Variants in HSD17B12 observed in about 807,000 individuals in gnomAD.
The protein encoded by HSD17B12 is hydroxysteroid 17-beta dehydrogenase 12, also known as very-long-chain 3-oxoacyl-CoA reductase.
HSD17B12 carries 32 observed loss-of-function variants against 39.3 expected under a neutral mutation model. The observed-to-expected ratio is 0.81, with a 90% CI of 0.61 to 1.09. The LOEUF (loss-of-function observed/expected upper bound fraction) is 1.09, where lower values mean the gene tolerates loss of function less well. HSD17B12 is among the 50% of genes least tolerant of loss of function. The pLI is 0.00. For missense variants in HSD17B12, 342 were observed against 382.9 expected (o/e 0.89, Z 0.89); for synonymous variants, 150 against 146.7 (o/e 1.02, Z -0.16).
chr11:43,653,420 C>CT, the HSD17B12 span, among the ~76,000 whole-genome samples: 3 of 152,030 alleles, frequency 2.0e-5, no homozygotes, highest in Admixed American at 1.3e-4. Flanking sequence ...TATTATTATA[C>CT]TTTAAGTTTT....
intron 3 of HSD17B12, among the ~76,000 whole-genome samples, chr11:43,768,768 T>G (rs1385063510): frequency 6.6e-6 from 1 of 152,212 alleles, no homozygotes; most frequent in Non-Finnish European, 1.5e-5. Context: ...CAGAGCGGGT[T>G]GCCGTGGCTG....
At chr11:43,666,951 C>T in the HSD17B12 span, among the ~76,000 whole-genome samples, 7 of 152,190 alleles carry the variant, frequency 4.6e-5, no homozygotes, top group Non-Finnish European at 1.0e-4. Flanking sequence ...TTACTTTTTA[C>T]TGCTTTTAAT....
intron 1 of HSD17B12, among the ~76,000 whole-genome samples, chr11:43,698,891 C>G (rs553593845): frequency 6.6e-6 from 1 of 152,290 alleles, no homozygotes; most frequent in African/African-American, 2.4e-5. Context: ...ACCTGAGTCT[C>G]TTGATGTGAT....
chr11:43,638,886 C>T, the HSD17B12 span, among the ~76,000 whole-genome samples: 15 of 152,170 alleles, frequency 9.9e-5, no homozygotes, highest in East Asian at 1.2e-3. Context: ...GACAGTTTCC[C>T]GAGACAGGGT....
At chr11:43,656,885 G>T in the HSD17B12 span, among the ~76,000 whole-genome samples, 1 of 152,170 alleles carries the variant, frequency 6.6e-6, no homozygotes, top group Non-Finnish European at 1.5e-5. Flanking sequence ...CTGTTGATTT[G>T]GGATGGAGAG....
the HSD17B12 span, among the ~76,000 whole-genome samples, chr11:43,651,362 CAAAGT>C: frequency 6.6e-6 from 1 of 152,120 alleles, no homozygotes; most frequent in Non-Finnish European, 1.5e-5. Flanking sequence ...TTATAATTCT[CAAAGT>C]AAACTGAAAG....
chr11:43,616,987 A>G, the HSD17B12 span, among the ~76,000 whole-genome samples: 1,592 of 151,542 alleles, frequency 0.011, 26 homozygotes, highest in African/African-American at 0.036. Flanking sequence ...AAAAAAAAAA[A>G]AAAAAGAAAA....
At chr11:43,818,286 C>T (rs1012744133) in intron 6 of HSD17B12, among the ~76,000 whole-genome samples, 2 of 152,062 alleles carry the variant, frequency 1.3e-5, no homozygotes, top group African/African-American at 4.8e-5. Context: ...TTAATAGTTA[C>T]TCATAATAAC....
At chr11:43,792,449 C>T (rs1042163054) in intron 3 of HSD17B12, among the ~76,000 whole-genome samples, 86 of 152,088 alleles carry the variant, frequency 5.7e-4, no homozygotes, top group African/African-American at 2.0e-3. Context: ...CTAAGAGTCT[C>T]CTCTCCCCAA....
chr11:43,569,342 C>T, the HSD17B12 span: 16,778 of 152,248 alleles, frequency 0.11, 1,114 homozygotes, highest in African/African-American at 0.19. Context: ...CAAGGGCAGA[C>T]TTTCTGCAGT....
At chr11:43,815,416 A>G in intron 4 of HSD17B12, 21 bp from the exon 5 acceptor site, 2 of 1,469,694 alleles carry the variant, frequency 1.4e-6, no homozygotes, top group South Asian at 1.3e-5. Context: ...TTACTCAGCT[A>G]ATCATCTTGT....
intron 9 of HSD17B12, chr11:43,854,460 G>A (rs1359490163): frequency 2.4e-6 from 1 of 408,844 alleles, no homozygotes. Flanking sequence ...GTTCAAAAAG[G>A]TAGATTTCTG....
At chr11:43,641,634 T>C in the HSD17B12 span, among the ~76,000 whole-genome samples, 4 of 151,966 alleles carry the variant, frequency 2.6e-5, no homozygotes, top group African/African-American at 9.6e-5. Context: ...GGCAAGAACC[T>C]GTACTTTGTG....
chr11:43,723,869 T>A (rs1468154424), intron 1 of HSD17B12, among the ~76,000 whole-genome samples: 1 of 152,250 alleles, frequency 6.6e-6, no homozygotes, highest in Non-Finnish European at 1.5e-5. Context: ...TTCATAAATG[T>A]GTCACATAGA....
At chr11:43,579,659 C>A in the HSD17B12 span, 5 of 152,130 alleles carry the variant, frequency 3.3e-5, no homozygotes, top group African/African-American at 9.7e-5. Flanking sequence ...ACCGCGGAGC[C>A]CCTCTGGCGC....
intron 1 of HSD17B12, among the ~76,000 whole-genome samples, chr11:43,746,253 T>C (rs1028198099): frequency 6.6e-6 from 1 of 152,242 alleles, no homozygotes; most frequent in Non-Finnish European, 1.5e-5. Context: ...AAATTTATCT[T>C]GCTTATCTTT....
chr11:43,590,437 CAAAAAAAAAA>C, the HSD17B12 span, among the ~76,000 whole-genome samples: 2 of 66,272 alleles, frequency 3.0e-5, no homozygotes, highest in Non-Finnish European at 5.5e-5. Flanking sequence ...TTAAGTTTAG[CAAAAAAAAAA>C]AAAAAAAAAA....
intron 4 of HSD17B12, among the ~76,000 whole-genome samples, chr11:43,814,453 T>C (rs960582152): frequency 6.6e-6 from 1 of 152,232 alleles, no homozygotes; most frequent in Admixed American, 6.5e-5. Flanking sequence ...AATTCTAAGA[T>C]ATTTTATTCA....
chr11:43,780,513 A>T (rs1051599500), intron 3 of HSD17B12, among the ~76,000 whole-genome samples: 1 of 152,112 alleles, frequency 6.6e-6, no homozygotes, highest in African/African-American at 2.4e-5. Flanking sequence ...TATGTAATGT[A>T]TGTGCATACC....
Sources: allele counts gnomAD v4.1 joint callset (sites outside exome capture counted in the v4.1 genomes callset), GRCh38; gene constraint gnomAD v4.1.1; transcripts MANE v1.5; gene names NCBI Gene and HGNC (gene_info 2026-07-23, HGNC 2026-07-21).